The following ANKS1B variants were observed in gnomAD, a reference collection of about 807,000 sequenced individuals.
ANKS1B encodes the protein ankyrin repeat and sterile alpha motif domain-containing protein 1B.
Under a neutral mutation model 148.3 loss-of-function variants are expected in ANKS1B, and 36 were observed. The observed-to-expected ratio is 0.24, with a 90% CI of 0.19 to 0.32. The LOEUF is 0.32. Among genes scored for constraint, ANKS1B ranks in the 10% least tolerant of loss-of-function variants. The probability of loss-of-function intolerance (pLI) is 1.00; values close to 1 mark genes in which losing one functional copy is unlikely to be tolerated. For missense variants in ANKS1B, 1,157 were observed against 1,542.6 expected, an observed-to-expected ratio of 0.75 and a Z score of 4.19; for synonymous variants, 542 against 560.8, an observed-to-expected ratio of 0.97 and a Z score of 0.47.
intron 3 of ANKS1B, among the ~76,000 whole-genome samples, chr12:99,808,676 A>G (rs78621406): frequency 0.091 from 13,808 of 152,170 alleles, 702 homozygotes; most frequent in South Asian, 0.12. Context: ...ACTTCACACC[A>G]TGAAAACATT....
At chr12:98,915,315 G>A (rs2099792789) in intron 17 of ANKS1B, among the ~76,000 whole-genome samples, 1 of 152,074 alleles carries the variant, frequency 6.6e-6, no homozygotes, top group South Asian at 2.1e-4. Context: ...TTTCAGACTT[G>A]ATTTCAGACT....
intron 8 of ANKS1B, among the ~76,000 whole-genome samples, chr12:99,732,709 CTGAA>C (rs1232610526): frequency 6.6e-6 from 1 of 151,982 alleles, no homozygotes; most frequent in East Asian, 1.9e-4. Context: ...CAAATGAATC[CTGAA>C]TGAATTTTAT....
intron 1 of ANKS1B, among the ~76,000 whole-genome samples, chr12:99,956,155 A>G (rs554985892): frequency 4.6e-5 from 7 of 151,810 alleles, no homozygotes; most frequent in Non-Finnish European, 8.8e-5. Flanking sequence ...GTGGGCGCCT[A>G]TAATCCTAGA....
chr12:99,306,303 T>C (rs1369140252), intron 12 of ANKS1B, among the ~76,000 whole-genome samples: 1 of 152,162 alleles, frequency 6.6e-6, no homozygotes, highest in East Asian at 1.9e-4. Flanking sequence ...CAGCCATTCC[T>C]GGGTCTCTAG....
intron 14 of ANKS1B, among the ~76,000 whole-genome samples, chr12:99,193,793 CTTTTTTTTTTT>C (rs34024548): frequency 1.5e-4 from 10 of 66,800 alleles, no homozygotes; most frequent in African/African-American, 3.7e-4. Context: ...ATTTCTAGTT[CTTTTTTTTTTT>C]TTTTTTTTTT....
chr12:99,632,270 G>A (rs2098168686), intron 9 of ANKS1B, among the ~76,000 whole-genome samples: 1 of 151,888 alleles, frequency 6.6e-6, no homozygotes, highest in African/African-American at 2.4e-5. Context: ...GTGGAGGCTT[G>A]GCAGCCTCCA....
intron 19 of ANKS1B, among the ~76,000 whole-genome samples, chr12:98,811,118 C>T (rs144765823): frequency 7.2e-5 from 11 of 152,340 alleles, no homozygotes; most frequent in East Asian, 3.9e-4. Context: ...ATGTGCTCTA[C>T]GTAGCAGCTG....
At chr12:98,880,745 G>A (rs1197162777) in intron 17 of ANKS1B, among the ~76,000 whole-genome samples, 1 of 151,962 alleles carries the variant, frequency 6.6e-6, no homozygotes, top group Non-Finnish European at 1.5e-5. Context: ...TCCAGCCTGG[G>A]CGACACAGCG....
chr12:98,995,731 G>A (rs769859608), intron 17 of ANKS1B, among the ~76,000 whole-genome samples: 7 of 152,204 alleles, frequency 4.6e-5, no homozygotes, highest in Admixed American at 2.6e-4. Context: ...TGATCCCTGC[G>A]AGGAACCATA....
intron 1 of ANKS1B, among the ~76,000 whole-genome samples, chr12:99,947,255 C>CAAA (rs58317609): frequency 0.13 from 16,775 of 128,652 alleles, 1,198 homozygotes; most frequent in African/African-American, 0.17. Flanking sequence ...TAAAGTAATA[C>CAAA]AAAAAAAAAA....
intron 17 of ANKS1B, among the ~76,000 whole-genome samples, chr12:99,002,456 A>C (rs2099933566): frequency 6.6e-6 from 1 of 151,484 alleles, no homozygotes; most frequent in South Asian, 2.1e-4. Flanking sequence ...AATCAAGCTA[A>C]TTAACATAGC....
intron 14 of ANKS1B, among the ~76,000 whole-genome samples, chr12:99,205,526 G>T (rs1222316613): frequency 2.0e-5 from 3 of 152,196 alleles, no homozygotes; most frequent in Non-Finnish European, 4.4e-5. Flanking sequence ...GACCTCTTGG[G>T]GAACGCAGGA....
intron 9 of ANKS1B, among the ~76,000 whole-genome samples, chr12:99,576,161 A>C (rs749384264): frequency 1.1e-4 from 17 of 152,146 alleles, no homozygotes; most frequent in Non-Finnish European, 1.9e-4. Context: ...GAATGGCATT[A>C]CATAATGAGA....
At position 99,589,775 on chromosome 12, in the gene ANKS1B, T is replaced by A. The variant is rs75269358; in HGVS notation, c.1272+65292A>T. Among the ~76,000 whole-genome samples the A allele has an allele frequency of 9.2e-5, 14 of 152,246 alleles. No individual in the cohort carries two copies. The East Asian group carries it at 2.7e-3, about 29-fold the overall frequency. On this transcript the variant is annotated intron_variant, in intron 9 of 26. Coordinates refer to ENST00000683438, the MANE Select transcript of ANKS1B (RefSeq NM_001352186.2). ...GTATGGTACAATAGGGCGACTATAG[T>A]TAACAATAATTTATAGCATATTTCA...
chr12:98,869,924 T>C (rs932407459), intron 17 of ANKS1B, among the ~76,000 whole-genome samples: 8 of 152,286 alleles, frequency 5.3e-5, no homozygotes, highest in Admixed American at 2.0e-4. Flanking sequence ...GAGTACATGA[T>C]GGAATATGGC....
intron 11 of ANKS1B, among the ~76,000 whole-genome samples, chr12:99,429,863 C>CT (rs541862073): frequency 1.3e-5 from 2 of 151,994 alleles, no homozygotes; most frequent in African/African-American, 2.4e-5. Context: ...ACTCGGGCAG[C>CT]TGAGGCAGGA....
intron 1 of ANKS1B, among the ~76,000 whole-genome samples, chr12:99,930,110 T>C (rs1344344596): frequency 1.3e-5 from 2 of 151,816 alleles, no homozygotes. Flanking sequence ...TTTCACAATA[T>C]TGATTCTTCC....
intron 12 of ANKS1B, among the ~76,000 whole-genome samples, chr12:99,303,641 G>A (rs758563827): frequency 1.1e-4 from 16 of 152,108 alleles, no homozygotes; most frequent in African/African-American, 2.4e-4. Flanking sequence ...TTATTTTTAC[G>A]TATTTCAATA....
In ANKS1B at chr12:99,494,057, A is replaced by G. The variant is rs191906219; in HGVS notation, c.1438+10419T>C. On this transcript the variant is annotated intron_variant, in intron 10 of 26. Transcript: ENST00000683438. ...ATGTCAGCCATCACAATAGAGAAGG[A>G]GCACCATAATAAGATGAAAATCTAC... Among the ~76,000 whole-genome samples, 5 of 152,348 alleles carry G rather than the reference A, an allele frequency of 3.3e-5. No individual in the cohort carries two copies. The East Asian group carries it at 9.6e-4, about 29-fold the overall frequency.
Sources: gnomAD v4.1 joint callset for allele counts (sites outside exome capture counted in the v4.1 genomes callset) on GRCh38, gnomAD v4.1.1 for gene constraint, MANE v1.5 for transcripts, NCBI Gene and HGNC (gene_info 2026-07-23, HGNC 2026-07-21) for gene names.